The following KIF22 variants were observed in gnomAD, a reference collection of about 807,000 sequenced individuals.
KIF22 encodes kinesin-like protein KIF22.
KIF22 carries 62 observed loss-of-function variants against 73.0 expected under a neutral mutation model. The ratio of observed to expected loss-of-function variants is 0.85; its 90% CI spans 0.69 to 1.05. The LOEUF (loss-of-function observed/expected upper bound fraction) is 1.05, where lower values mean the gene tolerates loss of function less well. Ranked by LOEUF, KIF22 falls within the 50% of genes least tolerant of loss-of-function variation. The pLI is 0.00. For missense variants in KIF22, 854 were observed against 870.1 expected (o/e 0.98, Z 0.23); for synonymous variants, 411 against 340.1 (o/e 1.21, Z -2.29).
Position 29,805,059 on chromosome 16 carries a change from G to T in KIF22, c.1890+33G>T, listed in dbSNP as rs768314937. On this transcript the variant is annotated intron_variant, in intron 12 of 13. Transcript: ENST00000160827. Reference sequence around the variant, plus strand: ...CCCACTGGACTGGGGGAGGGCGGGGGCGGGGGAGACCGGGTACCCCCGAGA... The same window carrying T: ...CCCACTGGACTGGGGGAGGGCGGGGTCGGGGGAGACCGGGTACCCCCGAGA... 5.0e-6 allele frequency: 8 copies of T among 1,611,194 alleles called. No homozygotes were observed. In the South Asian group the frequency reaches 8.8e-5, roughly 18 times the overall value.
At chr16:29,800,087 T>C (rs774863327) in intron 8 of KIF22, 39 bp downstream of exon 8, 1 of 1,580,466 alleles carries the variant, frequency 6.3e-7, no homozygotes, top group South Asian at 1.1e-5. Context: ...CTTCCTGATG[T>C]ATGGCTTAGC....
intron 1 of KIF22, 173 bp downstream of exon 1, chr16:29,791,002 G>A (rs944749354): frequency 6.9e-7 from 1 of 1,458,198 alleles, no homozygotes; most frequent in African/African-American, 1.4e-5. Context: ...GCCCCGCCTG[G>A]CTCCTGCCTT....
In KIF22 at chr16:29,805,272, C is replaced by T. The variant is rs1011826834; in HGVS notation, c.1960C>T (p.Leu654=). 1.2e-6 allele frequency: 2 copies of T among 1,614,072 alleles called. No homozygotes were observed. The highest frequency in any genetic ancestry group is 1.7e-6 in the Non-Finnish European group (2 of 1,180,044). The change falls in exon 14 of 14, where the codon CTG becomes TTG. Residue 654 remains leucine, a synonymous_variant. Transcript: ENST00000160827. The part of the protein sequence containing the change: ...QMESFLKANI[L]GLAAGQRCGA... ...CCCTCCTGTGTTGCAGGCAAACATC[C>T]TGGGTCTCGCCGCCGGCCAGCGCTG...
Position 29,805,192 on chromosome 16 carries a change from C to T in KIF22, c.1950+18C>T, listed in dbSNP as rs777440396. The T allele has an allele frequency of 6.2e-7, 1 of 1,614,156 alleles. No individual in the cohort carries two copies. Among genetic ancestry groups the T allele is most frequent in the South Asian group, 1.1e-5 (1 of 91,088 alleles). ...TCCTGAAGGTGAAGTCACGGCCCTG[C>T]CCCTCCTCTGCCTGTCCTGCGCCCC... On this transcript the variant is annotated intron_variant, in intron 13 of 13. Transcript: ENST00000160827.
chr16:29,790,886 T>TA (rs1346615929), intron 1 of KIF22, 57 bp downstream of exon 1: 8 of 1,559,664 alleles, frequency 5.1e-6, no homozygotes, highest in Non-Finnish European at 6.9e-6. Context: ...TAGTGGGAGT[T>TA]ATGTGTCGGA....
At chr16:29,791,648 G>A (rs1898819673) in intron 1 of KIF22, among the ~76,000 whole-genome samples, 1 of 152,210 alleles carries the variant, frequency 6.6e-6, no homozygotes, top group Non-Finnish European at 1.5e-5. Flanking sequence ...TTTTATGGTG[G>A]TGAACCATTT....
chr16:29,800,192 C>T (rs945825703), intron 8 of KIF22, 144 bp downstream of exon 8: 2 of 955,464 alleles, frequency 2.1e-6, no homozygotes, highest in South Asian at 3.5e-5. Context: ...CGGTGGCTCA[C>T]TCCTGTAACC....
intron 11 of KIF22, chr16:29,804,475 C>G (rs769272394): frequency 2.3e-5 from 15 of 646,206 alleles, no homozygotes; most frequent in Non-Finnish European, 4.3e-5. Flanking sequence ...CTCCCATGTA[C>G]TTTTTGAAAG....
chr16:29,800,691 G>A lies in KIF22; in HGVS notation c.1280+643G>A, dbSNP rs144019856. On this transcript the variant is annotated intron_variant, in intron 8 of 13. Coordinates refer to ENST00000160827, the MANE Select transcript of KIF22 (RefSeq NM_007317.3). ...GAGGCAGGAAGAATTGCTTGAATCT[G>A]GGAGGTGAAAGTTGCAGTGAGCCAA... is the stretch of plus-strand genomic sequence containing the variant. Among the ~76,000 whole-genome samples, 685 of 152,244 alleles carry A rather than the reference G, an allele frequency of 4.5e-3. 4 individuals are homozygous for A. Among genetic ancestry groups the A allele is most frequent in the Non-Finnish European group, 7.7e-3 (521 of 68,004 alleles).
At chr16:29,803,362 G>C (rs1194046221) in intron 9 of KIF22, 87 bp from the exon 10 acceptor site, 6 of 1,523,224 alleles carry the variant, frequency 3.9e-6, no homozygotes, top group Non-Finnish European at 3.6e-6. Context: ...GGGGCTCAGA[G>C]CCTTGCATAC....
intron 1 of KIF22, among the ~76,000 whole-genome samples, chr16:29,795,199 G>T (rs1471992528): frequency 6.6e-6 from 1 of 152,164 alleles, no homozygotes; most frequent in Non-Finnish European, 1.5e-5. Context: ...GTTTTTACCT[G>T]CTTGCTCCTG....
In KIF22 at chr16:29,798,793, T is replaced by A. The variant is rs1420161990; in HGVS notation, c.549+46T>A. The A allele has an allele frequency of 1.3e-6, 2 of 1,598,292 alleles. No homozygotes were observed. The highest frequency in any genetic ancestry group is 1.7e-5 in the Admixed American group (1 of 57,452). On this transcript the variant is annotated intron_variant, in intron 4 of 13. Coordinates refer to ENST00000160827, the MANE Select transcript of KIF22 (RefSeq NM_007317.3). The surrounding 1 kb of genome is among the most constrained non-coding windows in gnomAD (Gnocchi z 4.1). The stretch of plus-strand genomic sequence containing the variant: ...GGAGAGGAGCAACAAAGGGTCAAAG[T>A]AAGACCTGGTTCTAGAACATGAAGC...
In KIF22 at chr16:29,803,171, CA is replaced by C. The variant is rs550795049; in HGVS notation, c.1449+235del. Among the ~76,000 whole-genome samples the C allele has an allele frequency of 3.9e-5, 6 of 152,296 alleles. No individual in the cohort carries two copies. In the East Asian group the frequency reaches 1.2e-3, roughly 29 times the overall value. ...CAAAGTAAAAGCAACAAATGTTAAA[CA>C]TTACATTTCCTAAAGCCCAGCTCAA... On this transcript the variant is annotated intron_variant, in intron 9 of 13. Coordinates refer to ENST00000160827, the MANE Select transcript of KIF22 (RefSeq NM_007317.3).
At chr16:29,800,685 G>T (rs1899106700) in intron 8 of KIF22, among the ~76,000 whole-genome samples, 1 of 152,104 alleles carries the variant, frequency 6.6e-6, no homozygotes, top group South Asian at 2.1e-4. Context: ...AGAATTGCTT[G>T]AATCTGGGAG....
At chr16:29,800,121 A>G in intron 8 of KIF22, 73 bp downstream of exon 8, 2 of 1,484,366 alleles carry the variant, frequency 1.3e-6, no homozygotes, top group Non-Finnish European at 1.8e-6. Context: ...TGCCCGTCAG[A>G]TCCTTGAGCA....
rs760062208 is a variant in KIF22, at chr16:29,802,836, C to G, written c.1348C>G (p.Leu450Val). 7 of 1,611,658 alleles carry G rather than the reference C, an allele frequency of 4.3e-6. No individual in the cohort carries two copies. Among genetic ancestry groups the G allele is most frequent in the Non-Finnish European group, 5.9e-6 (7 of 1,179,140 alleles). The change falls in exon 9 of 14, where the codon CTT becomes GTT. Residue 450 changes from leucine to valine, a missense_variant. Around this residue, in one of 3 missense-constraint regions of KIF22, gnomAD observed 423 missense variants for 365.4 expected, o/e 1.16. Transcript: ENST00000160827. ...LERLLSLDRL[L>V]ASQGSQGAPL... is the part of the protein sequence containing the mutation. ...GCGCCTCCTCAGCTTGGACCGTCTGCTTGCCTCCCAGGGGAGCCAGGGGGC... is the reference window on the plus strand; with the variant it reads ...GCGCCTCCTCAGCTTGGACCGTCTGGTTGCCTCCCAGGGGAGCCAGGGGGC...
intron 12 of KIF22, 41 bp downstream of exon 12, chr16:29,805,067 G>A (rs1239069179): frequency 6.2e-7 from 1 of 1,612,274 alleles, no homozygotes. Flanking sequence ...GGGCGGGGGA[G>A]ACCGGGTACC....
At chr16:29,803,937 C>T (rs1448051153) in intron 10 of KIF22, 61 bp from the exon 11 acceptor site, 1 of 1,269,736 alleles carries the variant, frequency 7.9e-7, no homozygotes, top group Non-Finnish European at 1.2e-6. Flanking sequence ...AATCGAAGGG[C>T]TACCAGGGAG....
rs1899004809 is a variant in KIF22, at chr16:29,798,314, A to C, written c.267-60A>C. On this transcript the variant is annotated intron_variant, in intron 2 of 13. Transcript: ENST00000160827. The surrounding 1 kb of genome is among the most constrained non-coding windows in gnomAD (Gnocchi z 4.1). ...CCACCCCCACCCCACTCCACCCCTT[A>C]CACACACACACACACACACACACAC... is the stretch of plus-strand genomic sequence containing the variant. 9.1e-5 allele frequency: 1 copy of C among 10,936 alleles called. No homozygotes were observed. Among genetic ancestry groups the C allele is most frequent in the Non-Finnish European group, 1.2e-4 (1 of 8,358 alleles). The allele number at this position is 10,936 out of a possible 1,614,324, so 0.7% of individuals were successfully genotyped here.
Sources: allele counts gnomAD v4.1 joint callset (sites outside exome capture counted in the v4.1 genomes callset), GRCh38; gene constraint gnomAD v4.1.1; regional missense constraint gnomAD v4.1.1; non-coding constraint Gnocchi (gnomAD v3.1); transcripts MANE v1.5; gene names NCBI Gene and HGNC (gene_info 2026-07-23, HGNC 2026-07-21).